Variants in CBLN2 observed in about 807,000 individuals in gnomAD.
CBLN2 encodes the protein cerebellin-2.
CBLN2 carries 7 observed loss-of-function variants against 15.0 expected under a neutral mutation model. The observed-to-expected ratio is 0.47, with a 90% CI of 0.27 to 0.88. The LOEUF is 0.88. CBLN2 is among the 40% of genes least tolerant of loss of function. The probability of loss-of-function intolerance (pLI) is 0.14; values close to 1 mark genes in which losing one functional copy is unlikely to be tolerated. For missense variants in CBLN2, 242 were observed against 304.5 expected (o/e 0.79, Z 1.53); for synonymous variants, 149 against 135.2 (o/e 1.10, Z -0.71).
At chr18:72,603,830 A>G (rs1409882619) in intron 1 of CBLN2, among the ~76,000 whole-genome samples, 1 of 152,222 alleles carries the variant, frequency 6.6e-6, no homozygotes, top group Non-Finnish European at 1.5e-5. Flanking sequence ...AACAGAAAAA[A>G]TACATGGAAT....
At chr18:72,539,643 A>G (rs2144860832) in intron 3 of CBLN2, 1 of 152,320 alleles carries the variant, frequency 6.6e-6, no homozygotes, top group South Asian at 2.1e-4. Context: ...CTTTCCTCAG[A>G]TAAAAGGGCA....
chr18:72,563,730 G>C (rs1248179575), intron 1 of CBLN2, among the ~76,000 whole-genome samples: 6 of 152,168 alleles, frequency 3.9e-5, no homozygotes, highest in Admixed American at 3.3e-4. Flanking sequence ...TGGTGGGCTA[G>C]CTCAGGTCCC....
intron 1 of CBLN2, among the ~76,000 whole-genome samples, chr18:72,553,686 C>T (rs889079356): frequency 6.6e-6 from 1 of 152,040 alleles, no homozygotes; most frequent in Non-Finnish European, 1.5e-5. Context: ...TTGGTTGATA[C>T]GCAATCTAAC....
chr18:72,597,587 C>T (rs1052112692), intron 1 of CBLN2, among the ~76,000 whole-genome samples: 19 of 152,200 alleles, frequency 1.2e-4, no homozygotes, highest in Admixed American at 1.2e-3. Context: ...CTATAATCAG[C>T]AGGTGGTGAA....
intron 1 of CBLN2, among the ~76,000 whole-genome samples, chr18:72,571,840 CGA>C (rs2069334186): frequency 6.6e-6 from 1 of 152,016 alleles, no homozygotes; most frequent in South Asian, 2.1e-4. Context: ...ATCTTAATCT[CGA>C]GAGACGATTT....
intron 1 of CBLN2, among the ~76,000 whole-genome samples, chr18:72,594,557 G>A (rs560612545): frequency 6.6e-6 from 1 of 151,826 alleles, no homozygotes; most frequent in African/African-American, 2.4e-5. Context: ...GTTTGAGTAG[G>A]ATTGGTATTA....
intron 1 of CBLN2, among the ~76,000 whole-genome samples, chr18:72,617,985 A>G (rs1010114475): frequency 6.6e-6 from 1 of 152,182 alleles, no homozygotes; most frequent in Non-Finnish European, 1.5e-5. Flanking sequence ...AATTTTAGAA[A>G]GTTATCAGAA....
At chr18:72,546,966 C>T (rs921804988), upstream of CBLN2, among the ~76,000 whole-genome samples, 1 of 152,110 alleles carries the variant, frequency 6.6e-6, no homozygotes, top group Non-Finnish European at 1.5e-5. Context: ...ATCAATTCCA[C>T]TACTGAGTAT....
rs111747526 is a variant in CBLN2, at chr18:72,637,630, G to A, written c.15+695C>T. On this transcript the variant is annotated intron_variant, in intron 1 of 2. Coordinates refer to the CBLN2 transcript ENST00000581073. ...GTTATGTGCTATTTTCCACTGGAGG[G>A]GAATTGGTACCTGATAAGTAAAGAC... is the stretch of plus-strand genomic sequence containing the variant. Among the ~76,000 whole-genome samples, 436 of 152,270 alleles carry A rather than the reference G, an allele frequency of 2.9e-3. 3 individuals carry two copies. The highest frequency in any genetic ancestry group is 9.9e-3 in the African/African-American group (410 of 41,536).
intron 1 of CBLN2, among the ~76,000 whole-genome samples, chr18:72,623,632 C>T (rs532435720): frequency 6.6e-6 from 1 of 152,152 alleles, no homozygotes; most frequent in Non-Finnish European, 1.5e-5. Flanking sequence ...CAGACAACCA[C>T]TGGCCTGAGT....
chr18:72,550,721 T>C, intron 1 of CBLN2, among the ~76,000 whole-genome samples: 1 of 152,192 alleles, frequency 6.6e-6, no homozygotes, highest in African/African-American at 2.4e-5. Context: ...TTTTTTTTAA[T>C]TTTGTAAATC....
Position 72,541,890 on chromosome 18 carries a change from C to A in CBLN2, c.271G>T (p.Ala91Ser). ...CGCGTGGCGGAGAAGGCCACCTTGGCGCTGCCGGAGCGCACGGAGATGCCT... is the reference window on the plus strand; with the variant it reads ...CGCGTGGCGGAGAAGGCCACCTTGGAGCTGCCGGAGCGCACGGAGATGCCT... ...SLGISVRSGS[A>S]KVAFSATRST... The change falls in exon 3 of 5, where the codon GCC (alanine) becomes TCC (serine). Residue 91 changes from alanine to serine, a missense_variant. Ala to Ser is a moderately conservative substitution (Grantham distance 99). Transcript: ENST00000269503. 1 of 1,606,860 alleles carries A rather than the reference C, an allele frequency of 6.2e-7. No homozygotes were observed. Among genetic ancestry groups the A allele is most frequent in the Non-Finnish European group, 8.5e-7 (1 of 1,178,550 alleles).
At chr18:72,553,574 C>A (rs984309004) in intron 1 of CBLN2, among the ~76,000 whole-genome samples, 4 of 151,992 alleles carry the variant, frequency 2.6e-5, no homozygotes, top group African/African-American at 9.7e-5. Flanking sequence ...CTCAACAAAA[C>A]CTTACTTTAA....
At position 72,538,058 on chromosome 18, in the gene CBLN2, G is replaced by T; in HGVS notation, c.*118C>A. ...TTTCAAAGGAAATCATTCTTCTACT[G>T]CAACAGTCTGACGGAGGTTGGAAAC... On this transcript the variant is annotated 3_prime_UTR_variant, in exon 5 of 5. Transcript: ENST00000269503. 3.0e-6 allele frequency: 3 copies of T among 988,428 alleles called. No homozygotes were observed. The Admixed American group carries it at 6.5e-5, about 22-fold the overall frequency. 61.2% of individuals were successfully genotyped at this position (988,428 alleles called of 1,614,324 possible).
At chr18:72,617,953 A>C (rs1462588451) in intron 1 of CBLN2, among the ~76,000 whole-genome samples, 1 of 151,890 alleles carries the variant, frequency 6.6e-6, no homozygotes, top group Non-Finnish European at 1.5e-5. Flanking sequence ...AATTATAGGA[A>C]AAAAAATTAA....
intron 1 of CBLN2, among the ~76,000 whole-genome samples, chr18:72,616,177 C>A (rs776678835): frequency 1.8e-4 from 28 of 152,140 alleles, no homozygotes; most frequent in Non-Finnish European, 3.4e-4. Flanking sequence ...CAGAAAGTGG[C>A]TTCTAATATA....
At chr18:72,599,751 T>G (rs1398905712) in intron 1 of CBLN2, among the ~76,000 whole-genome samples, 1 of 152,082 alleles carries the variant, frequency 6.6e-6, no homozygotes, top group Non-Finnish European at 1.5e-5. Flanking sequence ...GAGAAAAGGG[T>G]CAAGAGCACA....
intron 4 of CBLN2, 77 bp from the exon 5 acceptor site, chr18:72,538,450 C>T (rs2069084452): frequency 2.0e-6 from 3 of 1,519,874 alleles, no homozygotes; most frequent in Non-Finnish European, 2.7e-6. Flanking sequence ...TTGCCAATAT[C>T]CCCACTCCCA....
At chr18:72,554,764 A>T (rs1291092377) in intron 1 of CBLN2, among the ~76,000 whole-genome samples, 2 of 152,188 alleles carry the variant, frequency 1.3e-5, no homozygotes, top group Admixed American at 1.3e-4. Flanking sequence ...AAAGAAAAAA[A>T]ATTGAAATGT....
Sources: allele counts gnomAD v4.1 joint callset (sites outside exome capture counted in the v4.1 genomes callset), GRCh38; gene constraint gnomAD v4.1.1; transcripts MANE v1.5; gene names NCBI Gene and HGNC (gene_info 2026-07-23, HGNC 2026-07-21).